The following ETV7 variants were observed in gnomAD, a reference collection of about 807,000 sequenced individuals.
ETV7 encodes the protein ETS variant transcription factor 7, also known as transcription factor ETV7.
Under a neutral mutation model 39.1 loss-of-function variants are expected in ETV7, and 43 were observed. That is an observed-to-expected ratio of 1.10 (90% CI 0.86 to 1.42). ETV7 has a LOEUF of 1.42. ETV7 is among the 40% of genes most tolerant of loss of function. ETV7 has a pLI of 0.00. For missense variants in ETV7, 432 were observed against 442.3 expected (o/e 0.98, Z 0.21); for synonymous variants, 196 against 176.6 (o/e 1.11, Z -0.87).
At chr6:36,357,461 G>A (rs1046039275) in intron 7 of ETV7, among the ~76,000 whole-genome samples, 1 of 152,206 alleles carries the variant, frequency 6.6e-6, no homozygotes, top group Non-Finnish European at 1.5e-5. Flanking sequence ...GGATGAAGAG[G>A]GGTGGAGAAT....
At position 36,387,519 on chromosome 6, in the gene ETV7, A is replaced by C. The variant is rs750511304; in HGVS notation, c.6+17T>G. ...GGCTCTGCGTGCGCGCTGCGTGTTC[A>C]GCCGCCAGGCTCTTACCTGCATTAC... On this transcript the variant is annotated intron_variant, in intron 1 of 7. Transcript: ENST00000340181. The C allele has an allele frequency of 1.3e-5, 21 of 1,613,978 alleles. No individual in the cohort carries two copies. The South Asian group carries it at 2.1e-4, about 16-fold the overall frequency.
In ETV7 at chr6:36,366,584, C is replaced by T; in HGVS notation, c.*61G>A. The T allele has an allele frequency of 3.1e-6, 5 of 1,610,240 alleles. No individual in the cohort carries two copies. The highest frequency in any genetic ancestry group is 4.2e-6 in the Non-Finnish European group (5 of 1,177,772). ...CTGCTCTGCTGGGAGGAGGAGTCTGCCTTCATGGGAGACTCGGTCCCTGCC... is the reference window on the plus strand; with the variant it reads ...CTGCTCTGCTGGGAGGAGGAGTCTGTCTTCATGGGAGACTCGGTCCCTGCC... On this transcript the variant is annotated 3_prime_UTR_variant, in exon 8 of 8. Transcript: ENST00000340181.
chr6:36,374,593 C>T (rs1211939291), intron 3 of ETV7, among the ~76,000 whole-genome samples: 1 of 152,222 alleles, frequency 6.6e-6, no homozygotes, highest in Admixed American at 6.5e-5. Flanking sequence ...CAGCCCCAAG[C>T]TCACCTGCTT....
Position 36,373,491 on chromosome 6 carries a change from A to T in ETV7, c.395T>A (p.Leu132Gln), listed in dbSNP as rs759396175. Residue 132 changes from leucine to glutamine, a missense_variant, in exon 4 of 8, where the codon CTG becomes CAG. Coordinates refer to ENST00000340181, the MANE Select transcript of ETV7 (RefSeq NM_016135.4). ...TGGAGAGTGCTGGGTGGGCGTCTTC[A>T]GCCTGAAGATCCCTCCAAAAAAGGG... ...CGPFFGGIFRLKTPTQHSPVP... is the reference protein window; with the variant it reads ...CGPFFGGIFRQKTPTQHSPVP... 2 of 1,577,166 alleles carry T rather than the reference A, an allele frequency of 1.3e-6. No homozygotes were observed. Among genetic ancestry groups the T allele is most frequent in the Non-Finnish European group, 1.7e-6 (2 of 1,162,940 alleles).
Position 36,387,568 on chromosome 6 carries a change from G to A in ETV7, c.-27C>T, listed in dbSNP as rs777219604. Reference sequence around the variant, plus strand: ...ACAGGTGGAGGTGAGGAAGCCACCGGCTTTCTGTCTTGAGCGCTCCCCTGG... The same window carrying A: ...ACAGGTGGAGGTGAGGAAGCCACCGACTTTCTGTCTTGAGCGCTCCCCTGG... On this transcript the variant is annotated 5_prime_UTR_variant, in exon 1 of 8. Transcript: ENST00000340181. 6.2e-7 allele frequency: 1 copy of A among 1,613,802 alleles called. No individual in the cohort carries two copies. Among genetic ancestry groups the A allele is most frequent in the East Asian group, 2.2e-5 (1 of 44,890 alleles).
intron 2 of ETV7, among the ~76,000 whole-genome samples, chr6:36,384,092 T>G (rs1013548521): frequency 1.3e-5 from 2 of 152,188 alleles, no homozygotes; most frequent in Non-Finnish European, 2.9e-5. Flanking sequence ...GGATTCACTG[T>G]CCCCAGAGAT....
At chr6:36,369,680 T>C (rs1772911925) in intron 5 of ETV7, among the ~76,000 whole-genome samples, 1 of 152,198 alleles carries the variant, frequency 6.6e-6, no homozygotes, top group African/African-American at 2.4e-5. Flanking sequence ...AGCTTCCTTG[T>C]ATGGGGTGGT....
intron 4 of ETV7, among the ~76,000 whole-genome samples, chr6:36,372,938 C>T (rs1360697290): frequency 2.0e-5 from 3 of 151,490 alleles, no homozygotes; most frequent in Non-Finnish European, 4.4e-5. Flanking sequence ...GAGGGGTACC[C>T]CAACATCTAG....
At chr6:36,354,625 G>C in exon 8 of ETV7, 1 of 694,908 alleles carries the variant, frequency 1.4e-6, no homozygotes, top group Non-Finnish European at 2.6e-6. Context: ...TTCCAAGACT[G>C]TTTTGGCTAT....
In ETV7 at chr6:36,366,500, C is replaced by G; in HGVS notation, c.*145G>C. ...CCCAGTGTCCTGGATGGGAGGCCTC[C>G]CAGCCTTCCCAAGCAATGGCTGTAA... On this transcript the variant is annotated 3_prime_UTR_variant, in exon 8 of 8. Transcript: ENST00000340181. The G allele has an allele frequency of 6.6e-7, 1 of 1,520,654 alleles. No individual in the cohort carries two copies. The highest frequency in any genetic ancestry group is 8.8e-7 in the Non-Finnish European group (1 of 1,139,622). 94.2% of individuals were successfully genotyped at this position (1,520,654 alleles called of 1,614,324 possible). A position where few individuals can be genotyped will look rare whatever the true frequency, so the allele number is the denominator to read the frequency against.
Position 36,369,031 on chromosome 6 carries a change from A to C in ETV7, c.705T>G (p.Leu235=), listed in dbSNP as rs1448486606. Residue 235 remains leucine, a synonymous_variant, in exon 6 of 8, where the codon CTT becomes CTG. Coordinates refer to ENST00000340181, the MANE Select transcript of ETV7 (RefSeq NM_016135.4). ...TGATGTAGGGCTCATATCGGGTATC[A>C]AGGAGCAGCTGATACACGTAATCCC... ...LLWDYVYQLL[L]DTRYEPYIKW... The C allele has an allele frequency of 6.2e-7, 1 of 1,614,186 alleles. No individual in the cohort carries two copies. Among genetic ancestry groups the C allele is most frequent in the Non-Finnish European group, 8.5e-7 (1 of 1,180,022 alleles).
In ETV7 at chr6:36,374,185, C is replaced by G. The variant is rs977348354; in HGVS notation, c.308-607G>C. On this transcript the variant is annotated intron_variant, in intron 3 of 7. Transcript: ENST00000340181. The stretch of plus-strand genomic sequence containing the variant: ...CCAGCCTGGGCAACATGGATAGACC[C>G]TGTCTCTACAAAAATTTTAAAAATC... Among the ~76,000 whole-genome samples, 8 of 152,102 alleles carry G rather than the reference C, an allele frequency of 5.3e-5. No homozygotes were observed. The East Asian group carries it at 1.5e-3, about 29-fold the overall frequency.
chr6:36,369,179 C>A, intron 5 of ETV7, 108 bp from the exon 6 acceptor site: 1 of 1,269,522 alleles, frequency 7.9e-7, no homozygotes, highest in South Asian at 1.3e-5. Context: ...CTAGGAGCAC[C>A]AGCAGGAAGG....
rs543501733 is a variant in ETV7 at position 36,354,529 on chromosome 6, AT to A, written c.*112del. On this transcript the variant is annotated 3_prime_UTR_variant, in exon 8 of 8. Coordinates refer to the ETV7 transcript ENST00000339796. ...AAAACTGTTCTTAATCTATATCCTTATGCCATTACCAATCTTTGTTGAGTAC... is the reference window on the plus strand; with the variant it reads ...AAAACTGTTCTTAATCTATATCCTTAGCCATTACCAATCTTTGTTGAGTAC... 94 of 617,364 alleles carry A rather than the reference AT, an allele frequency of 1.5e-4. 2 individuals carry two copies. In the South Asian group the frequency reaches 1.8e-3, roughly 12 times the overall value. The allele number at this position is 617,364 out of a possible 1,614,324, so 38.2% of individuals were successfully genotyped here.
chr6:36,363,500 G>A (rs1391455555), downstream of ETV7, among the ~76,000 whole-genome samples: 3 of 152,144 alleles, frequency 2.0e-5, no homozygotes, highest in Non-Finnish European at 4.4e-5. Context: ...TCGTGGGCTC[G>A]CTGGCTTCAG....
rs768692114 is a variant in ETV7 at position 36,376,000 on chromosome 6, G to C, written c.178C>G (p.Leu60Val). 6.2e-7 allele frequency: 1 copy of C among 1,609,716 alleles called. No homozygotes were observed. Among genetic ancestry groups the C allele is most frequent in the Admixed American group, 1.7e-5 (1 of 60,010 alleles). Residue 60 changes from leucine (L) to valine (V), a missense_variant, in exon 3 of 8, where the codon CTG becomes GTG. Physicochemically the swap from Leu to Val is conservative, Grantham distance 32. Coordinates refer to ENST00000340181, the MANE Select transcript of ETV7 (RefSeq NM_016135.4). The stretch of plus-strand genomic sequence containing the variant: ...TGCTCTGCCCAGCGCAGCCAGTGCA[G>C]CACGTCCTCCCTGCTCCACAGTGCG... The part of the protein sequence containing the change: ...QPALWSREDV[L>V]HWLRWAEQEY...
At chr6:36,363,625 C>T (rs1772608653), downstream of ETV7, among the ~76,000 whole-genome samples, 1 of 152,250 alleles carries the variant, frequency 6.6e-6, no homozygotes. Flanking sequence ...CGGGTTGCCA[C>T]TGCTAGCTGG....
At chr6:36,375,226 T>A (rs1295191364) in intron 3 of ETV7, among the ~76,000 whole-genome samples, 1 of 152,012 alleles carries the variant, frequency 6.6e-6, no homozygotes, top group Non-Finnish European at 1.5e-5. Flanking sequence ...ATGAGCGAAT[T>A]CTTAAGAAAA....
chr6:36,383,454 A>C (rs1220101719), intron 2 of ETV7, among the ~76,000 whole-genome samples: 1 of 152,198 alleles, frequency 6.6e-6, no homozygotes, highest in African/African-American at 2.4e-5. Flanking sequence ...TCCTCTTAGC[A>C]TCAACTCACA....
Sources: gnomAD v4.1 joint callset for allele counts (sites outside exome capture counted in the v4.1 genomes callset) on GRCh38, gnomAD v4.1.1 for gene constraint, MANE v1.5 for transcripts, NCBI Gene and HGNC (gene_info 2026-07-23, HGNC 2026-07-21) for gene names.